Variants in PRKX observed in about 807,000 individuals in gnomAD.
PRKX encodes protein kinase cAMP-dependent X-linked catalytic subunit.
A neutral mutation model predicts 22.0 loss-of-function variants in PRKX; 12 were observed. That is an observed-to-expected ratio of 0.54 (90% CI 0.35 to 0.88). The LOEUF is 0.88. Ranked by LOEUF, PRKX falls within the 40% of genes least tolerant of loss-of-function variation. PRKX has a pLI of 0.01. For missense variants in PRKX, 217 were observed against 308.0 expected, an observed-to-expected ratio of 0.70 and a Z score of 2.21; for synonymous variants, 134 against 137.7, an observed-to-expected ratio of 0.97 and a Z score of 0.19.
intron 1 of PRKX, among the ~76,000 whole-genome samples, chrX:3,705,071 G>A (rs1265589160): frequency 8.9e-6 from 1 of 111,957 alleles, no homozygotes; most frequent in East Asian, 2.8e-4. Context: ...GGTGAATAGA[G>A]CCCCATCTAA....
At chrX:3,616,144 C>T (rs1926415792) in intron 6 of PRKX, among the ~76,000 whole-genome samples, 1 of 111,105 alleles carries the variant, frequency 9.0e-6, no homozygotes, top group African/African-American at 3.3e-5. Flanking sequence ...ATTTGCATTC[C>T]GGACCAAAGA....
At chrX:3,615,987 G>A (rs751003297) in intron 6 of PRKX, 95 bp from the exon 7 acceptor site, 2 of 786,127 alleles carry the variant, frequency 2.5e-6, no homozygotes, top group Admixed American at 5.5e-5. Context: ...TTTTAGTATT[G>A]AAACAAACAG....
intron 1 of PRKX, among the ~76,000 whole-genome samples, chrX:3,699,164 G>A (rs760139683): frequency 9.4e-6 from 1 of 106,272 alleles, no homozygotes; most frequent in East Asian, 3.0e-4. Flanking sequence ...AGCTTCCCAA[G>A]CAGCTGGGAC....
intron 8 of PRKX, among the ~76,000 whole-genome samples, chrX:3,609,519 A>G (rs1015814804): frequency 1.6e-4 from 18 of 111,315 alleles, no homozygotes; most frequent in African/African-American, 5.6e-4. Context: ...TACAGGCACA[A>G]TCACGGCTCA....
At chrX:3,621,926 G>A (rs778737003) in intron 5 of PRKX, among the ~76,000 whole-genome samples, 58 of 110,595 alleles carry the variant, frequency 5.2e-4, no homozygotes, top group African/African-American at 1.8e-3. Context: ...ATCACTTGAC[G>A]TGAGGAGTTT....
intron 4 of PRKX, among the ~76,000 whole-genome samples, chrX:3,633,724 C>G (rs1926832931): frequency 9.0e-6 from 1 of 111,316 alleles, no homozygotes; most frequent in African/African-American, 3.3e-5. Context: ...GATGTTCTCC[C>G]TCCTACTCAG....
In PRKX at chrX:3,671,604, G is replaced by A. The variant is rs1353065843; in HGVS notation, c.335+2994C>T. Among the ~76,000 whole-genome samples the A allele has an allele frequency of 2.7e-5, 3 of 111,658 alleles. No individual in the cohort carries two copies. The East Asian group carries it at 8.4e-4, about 31-fold the overall frequency. ...ACTGTAACCAGCACTCGGAGGAGCC[G>A]GTGAGCTGTACGGGCAAAGGACAAC... On this transcript the variant is annotated intron_variant, in intron 2 of 8. Coordinates refer to ENST00000262848, the MANE Select transcript of PRKX (RefSeq NM_005044.5).
chrX:3,700,883 T>C (rs1445070705), intron 1 of PRKX, among the ~76,000 whole-genome samples: 4 of 111,289 alleles, frequency 3.6e-5, no homozygotes, highest in Non-Finnish European at 7.5e-5. Context: ...ATTACAGGTG[T>C]TCAGCCACCA....
intron 1 of PRKX, among the ~76,000 whole-genome samples, chrX:3,677,440 C>A (rs757105397): frequency 3.9e-4 from 42 of 107,250 alleles, no homozygotes; most frequent in African/African-American, 1.4e-3. Context: ...AGTGACCCTC[C>A]CACCTCAGCC....
rs1200402072 is a variant in PRKX at position 3,605,224 on chromosome X, A to C, written c.*3745T>G. 9.0e-6 allele frequency: 1 copy of C among 111,546 alleles called. No homozygotes were observed. The highest frequency in any genetic ancestry group is 1.9e-5 in the Non-Finnish European group (1 of 53,143). 9.2% of individuals were successfully genotyped at this position (111,546 alleles called of 1,213,427 possible). ...CATACGACTCCTCCAATGTGTGTAA[A>C]ATGCATGCTAGGTAGATTGAAGGAA... is the stretch of plus-strand genomic sequence containing the variant. On this transcript the variant is annotated 3_prime_UTR_variant, in exon 9 of 9. Coordinates refer to ENST00000262848, the MANE Select transcript of PRKX (RefSeq NM_005044.5).
At chrX:3,688,227 T>C (rs773742428) in intron 1 of PRKX, among the ~76,000 whole-genome samples, 8,123 of 98,715 alleles carry the variant, frequency 0.082, 611 homozygotes, top group East Asian at 0.26. Context: ...AGGTGGATGA[T>C]CTGAGGCCAA....
At chrX:3,712,076 T>C (rs1156470327) in intron 1 of PRKX, among the ~76,000 whole-genome samples, 5 of 111,761 alleles carry the variant, frequency 4.5e-5, no homozygotes, top group African/African-American at 1.3e-4. Context: ...CTATGCCCGC[T>C]GGTCTTCCTA....
chrX:3,617,469 C>T (rs774515325), intron 6 of PRKX, among the ~76,000 whole-genome samples: 5 of 109,017 alleles, frequency 4.6e-5, no homozygotes, highest in Non-Finnish European at 7.6e-5. Context: ...CAAAGTAAGA[C>T]CTGGTCTCTA....
chrX:3,693,778 A>G (rs1011429965), intron 1 of PRKX, among the ~76,000 whole-genome samples: 5 of 108,316 alleles, frequency 4.6e-5, no homozygotes, highest in Non-Finnish European at 7.6e-5. Context: ...TCTACTAAAA[A>G]TACAAAAAAA....
chrX:3,689,976 C>T (rs758559872), intron 1 of PRKX, among the ~76,000 whole-genome samples: 2 of 109,346 alleles, frequency 1.8e-5, no homozygotes, highest in Admixed American at 9.8e-5. Flanking sequence ...GACTCTGTCT[C>T]GAAAAAAACA....
chrX:3,689,702 G>A (rs185216621), intron 1 of PRKX, among the ~76,000 whole-genome samples: 36 of 111,474 alleles, frequency 3.2e-4, no homozygotes, highest in African/African-American at 1.1e-3. Context: ...AATGGGCTGG[G>A]CGCGGTGGCT....
intron 2 of PRKX, among the ~76,000 whole-genome samples, chrX:3,667,073 C>T (rs1483152930): frequency 1.8e-5 from 2 of 111,240 alleles, no homozygotes; most frequent in Non-Finnish European, 3.8e-5. Flanking sequence ...GAGTCAATGT[C>T]GTCAACAACG....
intron 1 of PRKX, among the ~76,000 whole-genome samples, chrX:3,703,881 A>C (rs1313097351): frequency 4.6e-5 from 5 of 109,077 alleles, no homozygotes; most frequent in African/African-American, 1.7e-4. Context: ...TCATGTTGGC[A>C]AGGCTGGTTT....
At chrX:3,651,257 A>ATGTTC in intron 3 of PRKX, among the ~76,000 whole-genome samples, 1 of 112,484 alleles carries the variant, frequency 8.9e-6, no homozygotes, top group African/African-American at 3.2e-5. Context: ...TAAGTAAAAT[A>ATGTTC]ATTGCTGCAT....
Sources: gnomAD v4.1 joint callset for allele counts (sites outside exome capture counted in the v4.1 genomes callset) on GRCh38, gnomAD v4.1.1 for gene constraint, MANE v1.5 for transcripts, NCBI Gene and HGNC (gene_info 2026-07-23, HGNC 2026-07-21) for gene names.